The following AQR variants were observed in gnomAD, a reference collection of about 807,000 sequenced individuals.
AQR encodes RNA helicase aquarius.
A neutral mutation model predicts 180.5 loss-of-function variants in AQR; 61 were observed. The ratio of observed to expected loss-of-function variants is 0.34; its 90% confidence interval spans 0.28 to 0.42. The LOEUF (loss-of-function observed/expected upper bound fraction) is 0.42, where lower values mean the gene tolerates loss of function less well. Ranked by LOEUF, AQR falls within the 10% of genes least tolerant of loss-of-function variation. The probability of loss-of-function intolerance (pLI) is 1.00; values close to 1 mark genes in which losing one functional copy is unlikely to be tolerated. For missense variants in AQR, 1,281 were observed against 1,798.3 expected (o/e 0.71, Z 5.20); for synonymous variants, 551 against 588.8 (o/e 0.94, Z 0.93).
intron 13 of AQR, 77 bp from the exon 14 acceptor site, chr15:34,920,511 G>A: frequency 8.4e-6 from 9 of 1,076,662 alleles, no homozygotes; most frequent in Non-Finnish European, 1.2e-5. Flanking sequence ...TTTACAAATA[G>A]CTTAAAAAAG....
rs1321512349 is a variant in AQR, at chr15:34,897,701, T to A, written c.2248A>T (p.Thr750Ser). Residue 750 changes from threonine to serine, a missense_variant, in exon 21 of 35, where the codon ACT (threonine) becomes TCT (serine). Physicochemically the swap from Thr to Ser is moderately conservative, Grantham distance 58. Coordinates refer to ENST00000156471, the MANE Select transcript of AQR (RefSeq NM_014691.3). The stretch of plus-strand genomic sequence containing the variant: ...CCTTTTCCACTTCTTACTGGAAAAG[T>A]TATCCTACAAGACCAAAACTTCTGT... ...PALQIPPFRI[T>S]FPVRSGKGKK... The A allele has an allele frequency of 3.1e-6, 5 of 1,613,662 alleles. No homozygotes were observed. Among genetic ancestry groups the A allele is most frequent in the Non-Finnish European group, 8.5e-7 (1 of 1,179,882 alleles).
At chr15:34,915,295 A>T (rs12911158) in intron 15 of AQR, 116 bp from the exon 16 acceptor site, 1 of 1,032,388 alleles carries the variant, frequency 9.7e-7, no homozygotes, top group South Asian at 1.8e-5. Context: ...GATTCAAGCC[A>T]TTCTCCTGCC....
chr15:34,928,710 G>A (rs1893804248), intron 12 of AQR, among the ~76,000 whole-genome samples: 1 of 152,158 alleles, frequency 6.6e-6, no homozygotes. Flanking sequence ...ACCCAGTAAT[G>A]GGATTGCTGG....
Position 34,856,928 on chromosome 15 carries a change from T to C in AQR, c.4322A>G (p.Glu1441Gly), listed in dbSNP as rs759013380. 8.7e-6 allele frequency: 14 copies of C among 1,613,988 alleles called. No homozygotes were observed. The highest frequency in any genetic ancestry group is 1.1e-5 in the South Asian group (1 of 91,078). ...PAFQTDTTPS[E>G]TGATSTPEAI... The stretch of plus-strand genomic sequence containing the variant: ...TTCTGGAGTGGAAGTGGCTCCTGTC[T>C]CACTGGGGGTGGTGTCAGTTTGAAA... Residue 1441 changes from glutamate (E) to glycine (G), a missense_variant, in exon 35 of 35, where the codon GAG becomes GGG. Physicochemically the swap from Glu to Gly is moderately conservative, Grantham distance 98. Around this residue, in one of 9 missense-constraint regions of AQR, gnomAD observed 182 missense variants for 185.3 expected, o/e 0.98. Coordinates refer to ENST00000156471, the MANE Select transcript of AQR (RefSeq NM_014691.3).
At chr15:34,946,099 C>T (rs1230123100) in intron 5 of AQR, among the ~76,000 whole-genome samples, 1 of 152,008 alleles carries the variant, frequency 6.6e-6, no homozygotes, top group Non-Finnish European at 1.5e-5. Flanking sequence ...GGTGAAACCC[C>T]ATCTCTACTA....
chr15:34,899,579 C>T (rs1595790960), intron 20 of AQR, among the ~76,000 whole-genome samples: 1 of 151,486 alleles, frequency 6.6e-6, no homozygotes, highest in African/African-American at 2.4e-5. Flanking sequence ...CTCAGTTGCC[C>T]AGGGTGGTCT....
chr15:34,874,601 A>G (rs1198174598), intron 29 of AQR, 76 bp downstream of exon 29: 1 of 1,553,118 alleles, frequency 6.4e-7, no homozygotes, highest in African/African-American at 1.4e-5. Context: ...AGTCTACACA[A>G]AAGCTATTCA....
At chr15:34,906,845 C>T (rs1373259444) in intron 17 of AQR, 133 bp from the exon 18 acceptor site, 6 of 760,798 alleles carry the variant, frequency 7.9e-6, no homozygotes, top group East Asian at 5.6e-5. Flanking sequence ...TGATTATTAT[C>T]GCATTGTAAC....
intron 12 of AQR, 98 bp downstream of exon 12, chr15:34,930,160 A>C: frequency 1.6e-6 from 1 of 624,834 alleles, no homozygotes; most frequent in Non-Finnish European, 2.7e-6. Context: ...AAACACTATT[A>C]AATTAACATG....
In AQR at chr15:34,877,577, T is replaced by C. The variant is rs376716406; in HGVS notation, c.3166-1571A>G. On this transcript the variant is annotated intron_variant, in intron 27 of 34. Transcript: ENST00000156471. The stretch of plus-strand genomic sequence containing the variant: ...CTGTGTAGACTCTCAAGATAACAGG[T>C]ATAATATGCAAAACAGAGTGGGGGC... Among the ~76,000 whole-genome samples the C allele has an allele frequency of 5.3e-5, 8 of 151,098 alleles. No homozygotes were observed. In the South Asian group the frequency reaches 8.4e-4, roughly 16 times the overall value.
At chr15:34,961,011 G>A (rs1288956684) in intron 2 of AQR, among the ~76,000 whole-genome samples, 197 bp from the exon 3 acceptor site, 1 of 151,830 alleles carries the variant, frequency 6.6e-6, no homozygotes. Flanking sequence ...AAGCAAAGTA[G>A]AAAAAACAAA....
rs760533636 is a variant in AQR, at chr15:34,934,653, C to G, written c.719-18G>C. ...GACAGGTTCTAGACATAAGAGAGAA[C>G]GCATGATAGAATTTCCTTACTAGGC... On this transcript the variant is annotated intron_variant, in intron 9 of 34. Coordinates refer to ENST00000156471, the MANE Select transcript of AQR (RefSeq NM_014691.3). 1.3e-6 allele frequency: 2 copies of G among 1,516,524 alleles called. No homozygotes were observed. Among genetic ancestry groups the G allele is most frequent in the South Asian group, 1.3e-5 (1 of 74,768 alleles). 93.9% of individuals were successfully genotyped at this position (1,516,524 alleles called of 1,614,324 possible). A position where few individuals can be genotyped will look rare whatever the true frequency, so the allele number is the denominator to read the frequency against.
intron 1 of AQR, among the ~76,000 whole-genome samples, chr15:34,967,194 C>T (rs1307787754): frequency 6.6e-6 from 1 of 152,130 alleles, no homozygotes; most frequent in Non-Finnish European, 1.5e-5. Context: ...GCACCCGGCC[C>T]ACCCTGGCCT....
In AQR at chr15:34,969,664, A is replaced by G. The variant is rs753622899; in HGVS notation, c.-51T>C. 6 of 1,585,742 alleles carry G rather than the reference A, an allele frequency of 3.8e-6. No homozygotes were observed. In the South Asian group the frequency reaches 5.6e-5, roughly 15 times the overall value. On this transcript the variant is annotated 5_prime_UTR_variant, in exon 1 of 35. Coordinates refer to ENST00000156471, the MANE Select transcript of AQR (RefSeq NM_014691.3). Reference sequence around the variant, plus strand: ...TGGAAACTAAAGGACCGCTCTGGGCAGCGGCAACCCTGGTCCACTTCCCTT... The same window carrying G: ...TGGAAACTAAAGGACCGCTCTGGGCGGCGGCAACCCTGGTCCACTTCCCTT...
chr15:34,867,612 A>G lies in AQR; in HGVS notation c.3769-3T>C. The G allele has an allele frequency of 6.2e-7, 1 of 1,605,486 alleles. No individual in the cohort carries two copies. The highest frequency in any genetic ancestry group is 8.5e-7 in the Non-Finnish European group (1 of 1,176,628). On this transcript the variant is annotated splice_polypyrimidine_tract_variant and splice_region_variant and intron_variant, in intron 31 of 34. Coordinates refer to ENST00000156471, the MANE Select transcript of AQR (RefSeq NM_014691.3). ...TGAAATCTATCAACAGTTGTCACCT[A>G]GAAATAAAAAATGGAAAATATGGTG...
chr15:34,925,033 T>G (rs919048978), intron 13 of AQR, among the ~76,000 whole-genome samples: 1 of 151,716 alleles, frequency 6.6e-6, no homozygotes, highest in African/African-American at 2.4e-5. Flanking sequence ...TTAAAAAGAA[T>G]GACAGTTGTC....
intron 1 of AQR, among the ~76,000 whole-genome samples, chr15:34,965,268 T>G (rs2050304203): frequency 6.6e-6 from 1 of 152,242 alleles, no homozygotes; most frequent in Admixed American, 6.5e-5. Flanking sequence ...TCTTTGCTTT[T>G]ATAGCTCAGT....
chr15:34,907,739 C>CTA, intron 17 of AQR, among the ~76,000 whole-genome samples: 1 of 152,296 alleles, frequency 6.6e-6, no homozygotes, highest in Admixed American at 6.5e-5. Flanking sequence ...ATCCTACTCT[C>CTA]TGAGTTGTAC....
At chr15:34,878,735 T>G (rs1346317022) in intron 27 of AQR, among the ~76,000 whole-genome samples, 2 of 152,074 alleles carry the variant, frequency 1.3e-5, no homozygotes, top group Non-Finnish European at 2.9e-5. Context: ...AACTTCGTGT[T>G]TGTAAAAAAT....
Sources: allele counts gnomAD v4.1 joint callset (sites outside exome capture counted in the v4.1 genomes callset), GRCh38; gene constraint gnomAD v4.1.1; regional missense constraint gnomAD v4.1.1; transcripts MANE v1.5; gene names NCBI Gene and HGNC (gene_info 2026-07-23, HGNC 2026-07-21).